PALLD: variants seen among roughly 807,000 people sequenced by gnomAD.
PALLD encodes palladin.
In PALLD, 61 loss-of-function variants were observed where a neutral mutation model predicts 123.5. The ratio of observed to expected loss-of-function variants is 0.49; its 90% CI spans 0.40 to 0.61. The LOEUF is 0.61. Among genes scored for constraint, PALLD ranks in the 20% least tolerant of loss-of-function variants. The probability of loss-of-function intolerance (pLI) is 0.00; values close to 1 mark genes in which losing one functional copy is unlikely to be tolerated. For synonymous variants in PALLD, 465 were observed against 496.4 expected, an observed-to-expected ratio of 0.94 and a Z score of 0.84; for missense variants, 1,273 against 1,377.0, an observed-to-expected ratio of 0.92 and a Z score of 1.20.
chr4:168,817,343 A>G (rs1742114197), intron 10 of PALLD, among the ~76,000 whole-genome samples: 2 of 152,250 alleles, frequency 1.3e-5, no homozygotes, highest in South Asian at 2.1e-4. Context: ...GAAGTTTCCA[A>G]GAACCAACAG....
chr4:168,668,848 A>G (rs958559814), intron 3 of PALLD, among the ~76,000 whole-genome samples: 2 of 152,192 alleles, frequency 1.3e-5, no homozygotes, highest in Admixed American at 6.5e-5. Flanking sequence ...ACTTGCAATC[A>G]CTAGGTGAGA....
At chr4:168,733,774 C>T (rs1787415350) in intron 10 of PALLD, among the ~76,000 whole-genome samples, 1 of 127,500 alleles carries the variant, frequency 7.8e-6, no homozygotes, top group African/African-American at 2.8e-5. Context: ...CGCTCTTTTG[C>T]CCTGGCCGGA....
intron 2 of PALLD, among the ~76,000 whole-genome samples, chr4:168,593,440 A>AAAAAAAAAAAAAAAAAG (rs1554047277): frequency 1.4e-5 from 2 of 140,896 alleles, no homozygotes; most frequent in Non-Finnish European, 3.0e-5. Context: ...ACCAGGCAAA[A>AAAAAAAAAAAAAAAAAG]AAAAAAGAAA....
At chr4:168,648,463 A>G (rs1777705849) in intron 2 of PALLD, 1 of 152,198 alleles carries the variant, frequency 6.6e-6, no homozygotes, top group Admixed American at 6.5e-5. Context: ...AATAAGAGAG[A>G]ATGCTGTCAG....
intron 10 of PALLD, among the ~76,000 whole-genome samples, chr4:168,796,888 A>G (rs978115097): frequency 6.6e-6 from 1 of 152,202 alleles, no homozygotes; most frequent in African/African-American, 2.4e-5. Flanking sequence ...CTTAGCTAGA[A>G]GGAGCAAAGT....
chr4:168,630,005 G>A (rs967358526), intron 2 of PALLD, among the ~76,000 whole-genome samples: 4 of 152,198 alleles, frequency 2.6e-5, no homozygotes, highest in African/African-American at 9.7e-5. Flanking sequence ...AAAGTAGTTG[G>A]AGGGGCTTCT....
chr4:168,508,916 A>T (rs954779123), intron 1 of PALLD, among the ~76,000 whole-genome samples: 132 of 152,190 alleles, frequency 8.7e-4, no homozygotes, highest in African/African-American at 3.1e-3. Context: ...TGAGGGGCCA[A>T]TTGTACTTCA....
chr4:168,583,126 G>A (rs1203679882), intron 2 of PALLD, among the ~76,000 whole-genome samples: 1 of 152,020 alleles, frequency 6.6e-6, no homozygotes, highest in Non-Finnish European at 1.5e-5. Flanking sequence ...TTAGGAACAA[G>A]AGAAAAGACC....
rs75254816 is a variant in PALLD at position 168,524,785 on chromosome 4, A to G, written c.908+12373A>G. Among the ~76,000 whole-genome samples the G allele has an allele frequency of 4.7e-3, 713 of 152,222 alleles. 4 individuals carry two copies. Among genetic ancestry groups the G allele is most frequent in the African/African-American group, 0.016 (661 of 41,524 alleles). ...GTTAAGAAACCTTAAAAAAGAAAAG[A>G]GCCATGATTGATTCTTTAGTGGTCC... On this transcript the variant is annotated intron_variant, in intron 2 of 21. Coordinates refer to ENST00000505667, the MANE Select transcript of PALLD (RefSeq NM_001166108.2).
intron 10 of PALLD, among the ~76,000 whole-genome samples, chr4:168,723,646 C>A (rs973459715): frequency 6.6e-6 from 1 of 152,168 alleles, no homozygotes; most frequent in South Asian, 2.1e-4. Context: ...TGTCAGCATT[C>A]CTACTGTGTT....
rs771169127 is a variant in PALLD, at chr4:168,681,380, G to C, written c.1136G>C (p.Arg379Thr). ...SDSESLAFKS[R>T]AGAMPQAQKK... ...AGTGAAAGTTTAGCTTTCAAATCAA[G>C]AGCTGGAGCTATGCCACAGTAAGTG... The change falls in exon 4 of 22, where the codon AGA becomes ACA. Residue 379 changes from arginine (R) to threonine (T), a missense_variant. Physicochemically the swap from Arg to Thr is moderately conservative, Grantham distance 71 (BLOSUM62 -1). Coordinates refer to ENST00000505667, the MANE Select transcript of PALLD (RefSeq NM_001166108.2). 1 of 1,606,118 alleles carries C rather than the reference G, an allele frequency of 6.2e-7. No individual in the cohort carries two copies. Among genetic ancestry groups the C allele is most frequent in the Non-Finnish European group, 8.5e-7 (1 of 1,173,054 alleles).
chr4:168,880,591 A>C (rs1752474907), intron 10 of PALLD, among the ~76,000 whole-genome samples: 1 of 152,248 alleles, frequency 6.6e-6, no homozygotes, highest in Non-Finnish European at 1.5e-5. Context: ...ATTCTGAATT[A>C]AAAACAAAAA....
At chr4:168,537,076 G>C (rs1001732259) in intron 2 of PALLD, among the ~76,000 whole-genome samples, 2 of 152,170 alleles carry the variant, frequency 1.3e-5, no homozygotes, top group East Asian at 3.9e-4. Flanking sequence ...CCGCTGCCTC[G>C]GCCTCCCAAA....
At chr4:168,670,702 C>T (rs1385003478) in intron 3 of PALLD, among the ~76,000 whole-genome samples, 3 of 143,022 alleles carry the variant, frequency 2.1e-5, no homozygotes, top group South Asian at 4.4e-4. Flanking sequence ...CACTGCAGTC[C>T]GCAGTCTGGC....
chr4:168,641,328 C>A (rs754615847), intron 2 of PALLD, among the ~76,000 whole-genome samples: 1 of 152,026 alleles, frequency 6.6e-6, no homozygotes. Context: ...TTTGAGTAAG[C>A]CTTTGCATGC....
intron 2 of PALLD, among the ~76,000 whole-genome samples, chr4:168,625,386 C>G (rs1196030103): frequency 6.6e-6 from 1 of 150,742 alleles, no homozygotes; most frequent in Non-Finnish European, 1.5e-5. Context: ...GGGGCTATAT[C>G]AAACTTAAAA....
chr4:168,817,426 A>G (rs1402914401), intron 10 of PALLD, among the ~76,000 whole-genome samples: 3 of 152,178 alleles, frequency 2.0e-5, no homozygotes, highest in African/African-American at 4.8e-5. Flanking sequence ...GAAAAATCTT[A>G]CCTCTTAACA....
At chr4:168,848,495 G>A (rs571218001) in intron 10 of PALLD, among the ~76,000 whole-genome samples, 2 of 148,222 alleles carry the variant, frequency 1.3e-5, no homozygotes, top group African/African-American at 2.5e-5. Flanking sequence ...CCTAAAAGAA[G>A]GCTTCTCACA....
Position 168,625,502 on chromosome 4 carries a change from G to GATAGATAT in PALLD, c.909-42685_909-42684insGATATATA. On this transcript the variant is annotated intron_variant, in intron 2 of 21. Coordinates refer to ENST00000505667, the MANE Select transcript of PALLD (RefSeq NM_001166108.2). ...TCCAATAAGGGATTAATATCCAGGAGATATATATATATATATCCTATAAGG... is the reference window on the plus strand; with the variant it reads ...TCCAATAAGGGATTAATATCCAGGAGATAGATATATATATATATATATATCCTATAAGG... 1.1e-4 allele frequency among the ~76,000 whole-genome samples: 13 copies of GATAGATAT among 114,430 alleles called. 1 individual carries two copies. The highest frequency in any genetic ancestry group is 1.0e-4 in the Admixed American group (1 of 9,586). The allele number at this position is 114,430 out of a possible 152,430, so 75.1% of individuals were successfully genotyped here. A position where few individuals can be genotyped will look rare whatever the true frequency, so the allele number is the denominator to read the frequency against.
Sources: gnomAD v4.1 joint callset for allele counts (sites outside exome capture counted in the v4.1 genomes callset) on GRCh38, gnomAD v4.1.1 for gene constraint, MANE v1.5 for transcripts, NCBI Gene and HGNC (gene_info 2026-07-23, HGNC 2026-07-21) for gene names.